MED29: variants seen among roughly 807,000 people sequenced by gnomAD.
MED29 encodes the protein mediator of RNA polymerase II transcription subunit 29.
MED29 carries 14 observed loss-of-function variants against 22.0 expected under a neutral mutation model. The ratio of observed to expected loss-of-function variants is 0.64; its 90% confidence interval spans 0.42 to 0.99. The LOEUF (loss-of-function observed/expected upper bound fraction) is 0.99. Among genes scored for constraint, MED29 ranks in the 50% least tolerant of loss-of-function variants. The probability of loss-of-function intolerance (pLI) is 0.00; values close to 1 mark genes in which losing one functional copy is unlikely to be tolerated. For missense variants in MED29, 241 were observed against 253.7 expected (o/e 0.95, Z 0.34); for synonymous variants, 123 against 107.8 (o/e 1.14, Z -0.87).
chr19:39,397,134 T>G (rs1042924628), intron 3 of MED29, among the ~76,000 whole-genome samples: 5 of 152,048 alleles, frequency 3.3e-5, no homozygotes, highest in African/African-American at 9.7e-5. Flanking sequence ...GCAGTAACAA[T>G]GATAGTAGCT....
At chr19:39,397,253 G>A (rs547654061) in intron 3 of MED29, among the ~76,000 whole-genome samples, 6 of 152,290 alleles carry the variant, frequency 3.9e-5, no homozygotes, top group African/African-American at 1.4e-4. Flanking sequence ...TATTAAACCC[G>A]TTTTCCAAAG....
intron 2 of MED29, 168 bp downstream of exon 2, chr19:39,392,690 G>A (rs774325894): frequency 2.4e-4 from 145 of 595,656 alleles, no homozygotes; most frequent in Middle Eastern, 4.3e-4. Flanking sequence ...ACAGTGGCAC[G>A]ATCTTGGCTC....
intron 3 of MED29, among the ~76,000 whole-genome samples, chr19:39,393,851 A>AG (rs2078413748): frequency 6.6e-6 from 1 of 152,226 alleles, no homozygotes; most frequent in Non-Finnish European, 1.5e-5. Context: ...AAACAGTGAC[A>AG]GCTCAGAGTG....
rs771515744 is a variant in MED29 at position 39,391,414 on chromosome 19, G to C, written c.-9G>C. 6.2e-7 allele frequency: 1 copy of C among 1,611,488 alleles called. No individual in the cohort carries two copies. Among genetic ancestry groups the C allele is most frequent in the South Asian group, 1.1e-5 (1 of 90,986 alleles). On this transcript the variant is annotated 5_prime_UTR_variant, in exon 1 of 4. Coordinates refer to ENST00000315588, the MANE Select transcript of MED29 (RefSeq NM_017592.4). ...TCGTAACGCACTTCCGGCGGTCTAC[G>C]CGAGGAAGATGGCTGCATCCCAGCA...
Position 39,391,601 on chromosome 19 carries a change from A to G in MED29, c.179A>G (p.Tyr60Cys). 3 of 1,609,340 alleles carry G rather than the reference A, an allele frequency of 1.9e-6. No individual in the cohort carries two copies. Among genetic ancestry groups the G allele is most frequent in the Non-Finnish European group, 2.5e-6 (3 of 1,177,072 alleles). ...QQQDFDPVQR[Y>C]KMLIPQLKES... The stretch of plus-strand genomic sequence containing the variant: ...CAGGACTTCGATCCTGTGCAGCGTT[A>G]TAAGATGCTCATCCCGCAGCTGAAG... The change falls in exon 1 of 4, where the codon TAT (tyrosine) becomes TGT (cysteine). Residue 60 changes from tyrosine to cysteine, a missense_variant. By Grantham distance (194) the Tyr-to-Cys change is radical. Transcript: ENST00000315588.
In MED29 at chr19:39,391,468, G is replaced by A; in HGVS notation, c.46G>A (p.Gly16Ser). The change falls in exon 1 of 4, where the codon GGT becomes AGT. Residue 16 changes from glycine to serine, a missense_variant. Physicochemically the swap from Gly to Ser is moderately conservative, Grantham distance 56. Transcript: ENST00000315588. ...AGCTTCAGCGGCTTCCTCAGCTGCT[G>A]GTGTATCGGGTCCTAGTTCGGCTGG... is the stretch of plus-strand genomic sequence containing the variant. ...QQASAASSAA[G>S]VSGPSSAGGP... 6.2e-7 allele frequency: 1 copy of A among 1,613,550 alleles called. No homozygotes were observed. The highest frequency in any genetic ancestry group is 8.5e-7 in the Non-Finnish European group (1 of 1,179,868).
At position 39,397,536 on chromosome 19, in the gene MED29, C is replaced by G; in HGVS notation, c.440C>G (p.Pro147Arg). ...SPTLVPTATK[P>R]DAVQPDSLPY... ...ACGTTGGTGCCCACAGCCACCAAGC[C>G]CGACGCAGTGCAGCCTGACAGCCTC... Residue 147 changes from proline to arginine, a missense_variant, in exon 4 of 4, where the codon CCC (proline) becomes CGC (arginine). Physicochemically the swap from Pro to Arg is moderately radical, Grantham distance 103. Coordinates refer to ENST00000315588, the MANE Select transcript of MED29 (RefSeq NM_017592.4). 6.2e-7 allele frequency: 1 copy of G among 1,613,212 alleles called. No individual in the cohort carries two copies. The highest frequency in any genetic ancestry group is 8.5e-7 in the Non-Finnish European group (1 of 1,180,016).
chr19:39,397,573 G>A lies in MED29; in HGVS notation c.477G>A (p.Gln159=). 2 of 1,613,790 alleles carry A rather than the reference G, an allele frequency of 1.2e-6. No homozygotes were observed. Among genetic ancestry groups the A allele is most frequent in the Non-Finnish European group, 8.5e-7 (1 of 1,180,020 alleles). The stretch of plus-strand genomic sequence containing the variant: ...AGCCTGACAGCCTCCCCTACCCACA[G>A]TACCTGGCGGTCATCAAAGCCCAGA... ...AVQPDSLPYP[Q]YLAVIKAQIS... The change falls in exon 4 of 4, where the codon CAG becomes CAA. Residue 159 remains glutamine (Q), a synonymous_variant. Coordinates refer to ENST00000315588, the MANE Select transcript of MED29 (RefSeq NM_017592.4).
intron 2 of MED29, among the ~76,000 whole-genome samples, chr19:39,393,072 CTTTCTTTTCTTTTTTTTTTT>C (rs1568378138): frequency 8.1e-5 from 7 of 86,128 alleles, no homozygotes; most frequent in Non-Finnish European, 1.1e-4. Flanking sequence ...TTCTTTCTTT[CTTTCTTTTCTTTTTTTTTTT>C]TTTTTTTTTT....
Position 39,391,604 on chromosome 19 carries a change from A to G in MED29, c.182A>G (p.Lys61Arg), listed in dbSNP as rs768909135. 6.2e-7 allele frequency: 1 copy of G among 1,608,924 alleles called. No homozygotes were observed. Among genetic ancestry groups the G allele is most frequent in the Non-Finnish European group, 8.5e-7 (1 of 1,176,928 alleles). Residue 61 changes from lysine to arginine, a missense_variant, in exon 1 of 4, where the codon AAG (lysine) becomes AGG (arginine). Lys to Arg is a conservative substitution (Grantham distance 26). Coordinates refer to ENST00000315588, the MANE Select transcript of MED29 (RefSeq NM_017592.4). ...GACTTCGATCCTGTGCAGCGTTATA[A>G]GATGCTCATCCCGCAGCTGAAGGAG... Reference protein sequence around the residue: ...QQDFDPVQRYKMLIPQLKESL... With the variant: ...QQDFDPVQRYRMLIPQLKESL...
chr19:39,396,997 C>T (rs984276160), intron 3 of MED29, among the ~76,000 whole-genome samples: 2 of 151,320 alleles, frequency 1.3e-5, no homozygotes, highest in Admixed American at 6.6e-5. Flanking sequence ...CATTGCACTC[C>T]AGCCTGGGCA....
rs1432968755 is a variant in MED29, at chr19:39,400,052, G to T, written c.*2353G>T. On this transcript the variant is annotated 3_prime_UTR_variant, in exon 4 of 4. Transcript: ENST00000315588. ...AATGTGACAAAAGTAAAATATATCA[G>T]ATGGTGAGAAAACAGAAAAATGAGA... 6.6e-6 allele frequency: 1 copy of T among 152,208 alleles called. No individual in the cohort carries two copies. Among genetic ancestry groups the T allele is most frequent in the African/African-American group, 2.4e-5 (1 of 41,444 alleles). The allele number at this position is 152,208 out of a possible 1,614,324, so 9.4% of individuals were successfully genotyped here. A position where few individuals can be genotyped will look rare whatever the true frequency, so the allele number is the denominator to read the frequency against.
Position 39,391,620 on chromosome 19 carries a change from G to C in MED29, c.198G>C (p.Gln66His). The C allele has an allele frequency of 6.2e-7, 1 of 1,604,416 alleles. No homozygotes were observed. The highest frequency in any genetic ancestry group is 8.5e-7 in the Non-Finnish European group (1 of 1,174,594). ...AGCGTTATAAGATGCTCATCCCGCAGCTGAAGGAGAGTCTACAGGTGATTG... is the reference window on the plus strand; with the variant it reads ...AGCGTTATAAGATGCTCATCCCGCACCTGAAGGAGAGTCTACAGGTGATTG... Reference protein sequence around the residue: ...PVQRYKMLIPQLKESLQTLMK... With the variant: ...PVQRYKMLIPHLKESLQTLMK... The change falls in exon 1 of 4, where the codon CAG becomes CAC. Residue 66 changes from glutamine to histidine, a missense_variant. Gln to His is a conservative substitution (Grantham distance 24). Transcript: ENST00000315588.
rs142198224 is a variant in MED29 at position 39,393,081 on chromosome 19, C to CTTTTTTTTTTTTTTTTTT, written c.276-457_276-440dup. The stretch of plus-strand genomic sequence containing the variant: ...TTTTCTTTCTTTCTTTCTTTCTTTT[C>CTTTTTTTTTTTTTTTTTT]TTTTTTTTTTTTTTTTTTTTTTTTT... On this transcript the variant is annotated intron_variant, in intron 2 of 3. Transcript: ENST00000315588. Among the ~76,000 whole-genome samples, 11 of 34,732 alleles carry CTTTTTTTTTTTTTTTTTT rather than the reference C, an allele frequency of 3.2e-4. 1 individual carries two copies. Among genetic ancestry groups the CTTTTTTTTTTTTTTTTTT allele is most frequent in the Non-Finnish European group, 5.0e-4 (9 of 18,162 alleles). 22.8% of individuals were successfully genotyped at this position (34,732 alleles called of 152,430 possible). A position where few individuals can be genotyped will look rare whatever the true frequency, so the allele number is the denominator to read the frequency against.
At position 39,398,000 on chromosome 19, in the gene MED29, T is replaced by C; in HGVS notation, c.*301T>C. Reference sequence around the variant, plus strand: ...GGTGTGGAGCCCTGGCTGTCCCCTCTCCCTCAGTCCTTCCTGACTGTCTCC... The same window carrying C: ...GGTGTGGAGCCCTGGCTGTCCCCTCCCCCTCAGTCCTTCCTGACTGTCTCC... On this transcript the variant is annotated 3_prime_UTR_variant, in exon 4 of 4. Coordinates refer to ENST00000315588, the MANE Select transcript of MED29 (RefSeq NM_017592.4). The C allele has an allele frequency of 3.7e-6, 2 of 537,606 alleles. No individual in the cohort carries two copies. Among genetic ancestry groups the C allele is most frequent in the Non-Finnish European group, 6.6e-6 (2 of 302,140 alleles). The allele number at this position is 537,606 out of a possible 1,614,324, so 33.3% of individuals were successfully genotyped here.
At chr19:39,391,897 C>T (rs1232905386) in intron 1 of MED29, among the ~76,000 whole-genome samples, 1 of 151,994 alleles carries the variant, frequency 6.6e-6, no homozygotes, top group Non-Finnish European at 1.5e-5. Flanking sequence ...TGGTGGCGCG[C>T]GCCTGTAATT....
rs577433283 is a variant in MED29, at chr19:39,399,215, T to C, written c.*1516T>C. The C allele has an allele frequency of 3.9e-5, 6 of 152,236 alleles. No individual in the cohort carries two copies. Among genetic ancestry groups the C allele is most frequent in the Non-Finnish European group, 8.8e-5 (6 of 68,032 alleles). The allele number at this position is 152,236 out of a possible 1,614,324, so 9.4% of individuals were successfully genotyped here. A position where few individuals can be genotyped will look rare whatever the true frequency, so the allele number is the denominator to read the frequency against. ...AGATGAGTGTTTGAATAACTGGGACTGTAGCCCGTCCAAGTTGACACATAA... is the reference window on the plus strand; with the variant it reads ...AGATGAGTGTTTGAATAACTGGGACCGTAGCCCGTCCAAGTTGACACATAA... On this transcript the variant is annotated 3_prime_UTR_variant, in exon 4 of 4. Coordinates refer to ENST00000315588, the MANE Select transcript of MED29 (RefSeq NM_017592.4).
chr19:39,392,542 C>G lies in MED29; in HGVS notation c.275+20C>G. ...TGGACAGTGAGTGCAGCCCCCTTTACCAGGATATTCTATTGCCTTCCCAGT... is the reference window on the plus strand; with the variant it reads ...TGGACAGTGAGTGCAGCCCCCTTTAGCAGGATATTCTATTGCCTTCCCAGT... On this transcript the variant is annotated intron_variant, in intron 2 of 3. Transcript: ENST00000315588. 1 of 1,610,322 alleles carries G rather than the reference C, an allele frequency of 6.2e-7. No individual in the cohort carries two copies. Among genetic ancestry groups the G allele is most frequent in the Admixed American group, 1.7e-5 (1 of 59,922 alleles).
At chr19:39,395,481 C>T (rs1292305712) in intron 3 of MED29, among the ~76,000 whole-genome samples, 1 of 152,108 alleles carries the variant, frequency 6.6e-6, no homozygotes, top group Non-Finnish European at 1.5e-5. Flanking sequence ...GGACTGGGCT[C>T]CACCAGGGCG....
Sources: allele counts gnomAD v4.1 joint callset (sites outside exome capture counted in the v4.1 genomes callset), GRCh38; gene constraint gnomAD v4.1.1; transcripts MANE v1.5; gene names NCBI Gene and HGNC (gene_info 2026-07-23, HGNC 2026-07-21).